Variants in ADGRG5 observed in about 807,000 individuals in gnomAD.
ADGRG5 encodes the protein adhesion G protein-coupled receptor G5.
In ADGRG5, 37 loss-of-function variants were observed where a neutral mutation model predicts 53.2. The observed-to-expected ratio is 0.70, with a 90% CI of 0.53 to 0.91. The LOEUF is 0.91. Among genes scored for constraint, ADGRG5 ranks in the 40% least tolerant of loss-of-function variants. The probability of loss-of-function intolerance (pLI) is 0.00; values close to 1 mark genes in which losing one functional copy is unlikely to be tolerated. For synonymous variants in ADGRG5, 277 were observed against 290.4 expected, an observed-to-expected ratio of 0.95 and a Z score of 0.47; for missense variants, 614 against 675.8, an observed-to-expected ratio of 0.91 and a Z score of 1.01.
At chr16:57,572,078 C>A (rs1428049880) in intron 10 of ADGRG5, among the ~76,000 whole-genome samples, 1 of 151,894 alleles carries the variant, frequency 6.6e-6, no homozygotes, top group Non-Finnish European at 1.5e-5. Flanking sequence ...TCTGCCCTCT[C>A]CTCTCAGGAA....
At position 57,567,863 on chromosome 16, in the gene ADGRG5, A is replaced by G; in HGVS notation, c.829A>G (p.Ser277Gly). ...VLLHFHFRKQ[S>G]DSLTRIHMNL... ...CCATTCTCTCACCTGCAGGAAGCAGAGTGACTCCTTAACACGCATCCACAT... is the reference window on the plus strand; with the variant it reads ...CCATTCTCTCACCTGCAGGAAGCAGGGTGACTCCTTAACACGCATCCACAT... The change falls in exon 9 of 12, where the codon AGT becomes GGT. Residue 277 changes from serine to glycine, a missense_variant. By Grantham distance (56) the Ser-to-Gly change is moderately conservative (BLOSUM62 0). Transcript: ENST00000349457. 6.2e-7 allele frequency: 1 copy of G among 1,609,284 alleles called. No homozygotes were observed. The highest frequency in any genetic ancestry group is 8.5e-7 in the Non-Finnish European group (1 of 1,179,216).
the ADGRG5 span, among the ~76,000 whole-genome samples, chr16:57,531,558 T>C: frequency 6.6e-6 from 1 of 152,142 alleles, no homozygotes; most frequent in Non-Finnish European, 1.5e-5. Context: ...TGAGTTCTTG[T>C]AAGAACCTGA....
chr16:57,567,693 G>A (rs1405598693), intron 8 of ADGRG5, 102 bp downstream of exon 8: 3 of 1,482,146 alleles, frequency 2.0e-6, no homozygotes, highest in East Asian at 2.3e-5. Flanking sequence ...TCTCCAGAGG[G>A]TGGGGACCAG....
chr16:57,529,303 G>A, the ADGRG5 span: 4 of 1,116,132 alleles, frequency 3.6e-6, no homozygotes, highest in Non-Finnish European at 3.3e-6. This position sits in a 1 kb window ranked among gnomAD's most constrained non-coding sequence, Gnocchi z 4.1. Context: ...TGGGCCACCG[G>A]GCGGAGGACG....
At chr16:57,552,425 C>T (rs60872983) in intron 1 of ADGRG5, among the ~76,000 whole-genome samples, 12,528 of 152,228 alleles carry the variant, frequency 0.082, 1,519 homozygotes, top group African/African-American at 0.26. Context: ...ACTTGCTTCT[C>T]CATCAGCACT....
rs1418203233 is a variant in ADGRG5, at chr16:57,574,257, G to T, written c.1209-558G>T. 6.6e-6 allele frequency among the ~76,000 whole-genome samples: 1 copy of T among 152,182 alleles called. No homozygotes were observed. The highest frequency in any genetic ancestry group is 1.5e-5 in the Non-Finnish European group (1 of 68,044). Reference sequence around the variant, plus strand: ...CTCCTGCGGCTCTGTGTGCTCTCAGGTTGACACTTGGAGGGTCCCTGTCCA... The same window carrying T: ...CTCCTGCGGCTCTGTGTGCTCTCAGTTTGACACTTGGAGGGTCCCTGTCCA... On this transcript the variant is annotated intron_variant, in intron 10 of 11. Transcript: ENST00000349457. This position sits in a 1 kb window ranked among gnomAD's most constrained non-coding sequence, Gnocchi z 4.4.
intron 1 of ADGRG5, among the ~76,000 whole-genome samples, chr16:57,553,330 C>G (rs1596778859): frequency 6.6e-6 from 1 of 152,178 alleles, no homozygotes; most frequent in African/African-American, 2.4e-5. Context: ...ATCTGTGATC[C>G]ATTCTGAGTT....
Position 57,570,409 on chromosome 16 carries a change from A to G in ADGRG5, c.1091-9A>G. The G allele has an allele frequency of 6.2e-7, 1 of 1,600,376 alleles. No individual in the cohort carries two copies. ...CCCACATCTCCTGAGCCTTTGTCCCACCCCTCAGGGGCCCCAGCCCTCCTG... is the reference window on the plus strand; with the variant it reads ...CCCACATCTCCTGAGCCTTTGTCCCGCCCCTCAGGGGCCCCAGCCCTCCTG... On this transcript the variant is annotated splice_polypyrimidine_tract_variant and intron_variant, in intron 9 of 11. Transcript: ENST00000349457.
intron 1 of ADGRG5, among the ~76,000 whole-genome samples, chr16:57,546,034 C>G (rs1021163178): frequency 5.3e-5 from 8 of 152,168 alleles, no homozygotes; most frequent in Non-Finnish European, 1.2e-4. Flanking sequence ...CCTTGTTGGC[C>G]AGGCTGGTCT....
chr16:57,550,834 C>G (rs895772488), intron 1 of ADGRG5, among the ~76,000 whole-genome samples: 1 of 152,228 alleles, frequency 6.6e-6, no homozygotes, highest in Middle Eastern at 3.4e-3. Flanking sequence ...TCGAGACCAT[C>G]CTGGCCAACA....
chr16:57,570,093 C>G (rs1289840957), intron 9 of ADGRG5, among the ~76,000 whole-genome samples: 1 of 152,210 alleles, frequency 6.6e-6, no homozygotes, highest in African/African-American at 2.4e-5. Context: ...GTACCTTCAT[C>G]ACCGTCCTTG....
In ADGRG5 at chr16:57,569,930, C is replaced by T. The variant is rs1204650278; in HGVS notation, c.1091-488C>T. On this transcript the variant is annotated intron_variant, in intron 9 of 11. Transcript: ENST00000349457. ...ACTATCACCATCATCACCTCCATCT[C>T]CTCCACCTCCATCAGCACCATCATC... 9.9e-5 allele frequency among the ~76,000 whole-genome samples: 15 copies of T among 151,912 alleles called. 1 individual carries two copies.
chr16:57,545,067 A>G (rs2032584356), intron 1 of ADGRG5, among the ~76,000 whole-genome samples: 1 of 152,064 alleles, frequency 6.6e-6, no homozygotes, highest in Non-Finnish European at 1.5e-5. Flanking sequence ...ATGAGCCACC[A>G]CACCCGGCTC....
chr16:57,545,522 A>T (rs1333574029), intron 1 of ADGRG5, among the ~76,000 whole-genome samples: 3 of 152,190 alleles, frequency 2.0e-5, no homozygotes, highest in Non-Finnish European at 4.4e-5. Context: ...CCACGTCTCT[A>T]CAATAGCTGG....
chr16:57,573,334 T>G (rs2033414285), intron 10 of ADGRG5, among the ~76,000 whole-genome samples: 1 of 149,518 alleles, frequency 6.7e-6, no homozygotes, highest in African/African-American at 2.5e-5. Flanking sequence ...CTCAGGAGGC[T>G]GAGAGAGGAG....
At position 57,574,846 on chromosome 16, in the gene ADGRG5, G is replaced by T; in HGVS notation, c.1240G>T (p.Val414Phe). 1 of 1,607,002 alleles carries T rather than the reference G, an allele frequency of 6.2e-7. No homozygotes were observed. Residue 414 changes from valine (V) to phenylalanine (F), a missense_variant, in exon 11 of 12, where the codon GTC becomes TTC. Val to Phe is a conservative substitution (Grantham distance 50, BLOSUM62 -1). Coordinates refer to ENST00000349457, the MANE Select transcript of ADGRG5 (RefSeq NM_001304376.3). The surrounding 1 kb of genome is among the most constrained non-coding windows in gnomAD (Gnocchi z 4.4). ...CWVRSPVVHS[V>F]LVMGYGGLTS... Reference sequence around the variant, plus strand: ...GGTGCGGAGCCCCGTGGTGCACAGTGTCCTGGTCATGGGCTACGGCGGCCT... The same window carrying T: ...GGTGCGGAGCCCCGTGGTGCACAGTTTCCTGGTCATGGGCTACGGCGGCCT...
chr16:57,563,869 G>T lies in ADGRG5; in HGVS notation c.319G>T (p.Gly107Cys). 1 of 1,613,914 alleles carries T rather than the reference G, an allele frequency of 6.2e-7. No homozygotes were observed. Among genetic ancestry groups the T allele is most frequent in the South Asian group, 1.1e-5 (1 of 91,072 alleles). Residue 107 changes from glycine to cysteine, a missense_variant, in exon 5 of 12, where the codon GGT becomes TGT. By Grantham distance (159) the Gly-to-Cys change is radical. Coordinates refer to ENST00000349457, the MANE Select transcript of ADGRG5 (RefSeq NM_001304376.3). ...VPQAGGQHARGQHAMQFPAEL... is the reference protein window; with the variant it reads ...VPQAGGQHARCQHAMQFPAEL... ...GCAGGCAGGAGGTCAGCATGCCCGG[G>T]GTCAGCACGCCATGCAGTTCCCCGC...
the ADGRG5 span, chr16:57,529,292 CT>C: frequency 8.9e-7 from 1 of 1,119,218 alleles, no homozygotes; most frequent in Non-Finnish European, 1.1e-6. The surrounding 1 kb of genome is among the most constrained non-coding windows in gnomAD (Gnocchi z 4.1). Flanking sequence ...CCGCTTCCCT[CT>C]GGGCCACCGG....
chr16:57,551,380 C>T (rs983839394), intron 1 of ADGRG5, among the ~76,000 whole-genome samples: 17 of 152,128 alleles, frequency 1.1e-4, no homozygotes, highest in Admixed American at 3.3e-4. Flanking sequence ...AATTGGAGTC[C>T]GTCCTCTCAA....
Sources: gnomAD v4.1 joint callset for allele counts (sites outside exome capture counted in the v4.1 genomes callset) on GRCh38, gnomAD v4.1.1 for gene constraint, Gnocchi (gnomAD v3.1) non-coding constraint, MANE v1.5 for transcripts, NCBI Gene and HGNC (gene_info 2026-07-23, HGNC 2026-07-21) for gene names.